The following L3MBTL4 variants were observed in gnomAD, a reference collection of about 807,000 sequenced individuals.
The protein encoded by L3MBTL4 is lethal(3)malignant brain tumor-like protein 4.
L3MBTL4 carries 70 observed loss-of-function variants against 84.5 expected under a neutral mutation model. The ratio of observed to expected loss-of-function variants is 0.83; its 90% CI spans 0.68 to 1.01. The LOEUF is 1.01. Ranked by LOEUF, L3MBTL4 falls within the 50% of genes least tolerant of loss-of-function variation. L3MBTL4 has a pLI of 0.00. For synonymous variants in L3MBTL4, 274 were observed against 259.8 expected (o/e 1.05, Z -0.52); for missense variants, 715 against 754.8 (o/e 0.95, Z 0.62).
At chr18:5,999,493 T>A (rs1347800375) in intron 16 of L3MBTL4, among the ~76,000 whole-genome samples, 2 of 152,214 alleles carry the variant, frequency 1.3e-5, no homozygotes, top group African/African-American at 2.4e-5. Context: ...CATAAAAATG[T>A]GTTGAATGGA....
At chr18:6,198,863 T>C (rs2045524524) in intron 12 of L3MBTL4, among the ~76,000 whole-genome samples, 1 of 152,210 alleles carries the variant, frequency 6.6e-6, no homozygotes, top group African/African-American at 2.4e-5. Context: ...AGGTAGCATC[T>C]ATTTATTATG....
rs140193205 is a variant in L3MBTL4, at chr18:6,358,862, C to T, written c.-90-46806G>A. 6.6e-3 allele frequency among the ~76,000 whole-genome samples: 1,009 copies of T among 152,260 alleles called. 11 individuals are homozygous for T. The highest frequency in any genetic ancestry group is 0.023 in the African/African-American group (938 of 41,532). On this transcript the variant is annotated intron_variant, in intron 1 of 18. Transcript: ENST00000317931. ...TGGCCTGAGGGCTCCACAGGAGAGC[C>T]CTGTGCAGATGGGGACCAAGTGGAG...
chr18:6,037,787 A>T (rs1311727541), intron 16 of L3MBTL4, among the ~76,000 whole-genome samples: 1 of 152,142 alleles, frequency 6.6e-6, no homozygotes, highest in Non-Finnish European at 1.5e-5. Flanking sequence ...AGAAAATTTT[A>T]CTCTGTCCTT....
At chr18:6,241,480 C>G (rs553154919) in intron 7 of L3MBTL4, 31 bp from the exon 8 acceptor site, 2 of 1,209,884 alleles carry the variant, frequency 1.7e-6, no homozygotes, top group Non-Finnish European at 2.4e-6. Flanking sequence ...TCAAAATACC[C>G]AAAAGATGTA....
chr18:6,352,773 T>G (rs2053258244), intron 1 of L3MBTL4, among the ~76,000 whole-genome samples: 1 of 151,906 alleles, frequency 6.6e-6, no homozygotes, highest in Admixed American at 6.5e-5. Context: ...GCTGAGAACC[T>G]TAAAGAAAAA....
intron 10 of L3MBTL4, among the ~76,000 whole-genome samples, chr18:6,233,525 AACAG>A (rs2047085328): frequency 6.9e-6 from 1 of 144,202 alleles, no homozygotes; most frequent in East Asian, 1.9e-4. Flanking sequence ...ATACACCAAT[AACAG>A]ACAGAGAGCC....
chr18:6,401,539 T>C lies in L3MBTL4; in HGVS notation c.-91+13262A>G, dbSNP rs560030803. On this transcript the variant is annotated intron_variant, in intron 1 of 18. Transcript: ENST00000317931. ...AGAAGACAGCTTATAGAATGCAAAG[T>C]ACAGCTTATAAGAGGTAAAGTTCAA... Among the ~76,000 whole-genome samples the C allele has an allele frequency of 1.1e-4, 17 of 152,274 alleles. No individual in the cohort carries two copies. In the South Asian group the frequency reaches 2.9e-3, roughly 26 times the overall value.
chr18:5,958,970 T>TA (rs1286996768), intron 18 of L3MBTL4, among the ~76,000 whole-genome samples: 2 of 152,182 alleles, frequency 1.3e-5, no homozygotes, highest in African/African-American at 4.8e-5. Flanking sequence ...ACTGTATGTG[T>TA]GAACGTGGCC....
chr18:6,340,143 T>C (rs1000221719), intron 1 of L3MBTL4, among the ~76,000 whole-genome samples: 1 of 152,172 alleles, frequency 6.6e-6, no homozygotes, highest in Admixed American at 6.5e-5. Flanking sequence ...TGAACATCTT[T>C]TTTAAAAATC....
chr18:6,046,727 C>T, intron 16 of L3MBTL4: 1 of 774,812 alleles, frequency 1.3e-6, no homozygotes, highest in Non-Finnish European at 2.4e-6. Flanking sequence ...ATACAACTTA[C>T]CCAAACCTCT....
intron 4 of L3MBTL4, among the ~76,000 whole-genome samples, chr18:6,265,193 A>C (rs1223840535): frequency 1.3e-5 from 2 of 152,250 alleles, no homozygotes; most frequent in Non-Finnish European, 2.9e-5. Context: ...CATTCAAATG[A>C]AATCATCTTA....
chr18:6,236,333 T>G (rs939151482), intron 10 of L3MBTL4, among the ~76,000 whole-genome samples: 2 of 152,300 alleles, frequency 1.3e-5, no homozygotes, highest in East Asian at 3.9e-4. Context: ...GAAATAATAG[T>G]CTTTTGTAAC....
intron 13 of L3MBTL4, among the ~76,000 whole-genome samples, chr18:6,163,259 TG>T (rs71163263): frequency 0.11 from 6,296 of 57,338 alleles, 275 homozygotes; most frequent in African/African-American, 0.16. Flanking sequence ...TGTGTGTGTG[TG>T]GGGGGGGGGT....
intron 14 of L3MBTL4, among the ~76,000 whole-genome samples, chr18:6,118,689 C>T (rs988604400): frequency 6.6e-6 from 1 of 152,120 alleles, no homozygotes; most frequent in African/African-American, 2.4e-5. Flanking sequence ...TAAGTTTCTA[C>T]AGTGTTTTTC....
At chr18:5,994,264 T>C (rs759035246) in intron 16 of L3MBTL4, among the ~76,000 whole-genome samples, 30 of 152,352 alleles carry the variant, frequency 2.0e-4, no homozygotes, top group African/African-American at 6.5e-4. Context: ...TCTAGCACAA[T>C]TGTGAGCTGC....
intron 12 of L3MBTL4, among the ~76,000 whole-genome samples, chr18:6,185,485 G>C (rs2044681364): frequency 6.6e-6 from 1 of 152,174 alleles, no homozygotes; most frequent in Non-Finnish European, 1.5e-5. Context: ...GCAGGCTGCA[G>C]GCTGGCAGTG....
chr18:6,029,078 G>A (rs1003965444), intron 16 of L3MBTL4, among the ~76,000 whole-genome samples: 4 of 152,100 alleles, frequency 2.6e-5, no homozygotes, highest in Non-Finnish European at 5.9e-5. Flanking sequence ...TTAAATCACC[G>A]AAACCATGAC....
intron 16 of L3MBTL4, among the ~76,000 whole-genome samples, chr18:5,974,592 C>G (rs1241479506): frequency 6.6e-6 from 1 of 152,190 alleles, no homozygotes; most frequent in Non-Finnish European, 1.5e-5. Flanking sequence ...TGACCTAGGG[C>G]TGCCTTTCCA....
intron 12 of L3MBTL4, among the ~76,000 whole-genome samples, chr18:6,181,171 G>C (rs746657010): frequency 1.3e-4 from 18 of 143,720 alleles, no homozygotes; most frequent in Non-Finnish European, 2.4e-4. Flanking sequence ...TTTTTTTTTT[G>C]CATTTTACAT....
Sources: allele counts gnomAD v4.1 joint callset (sites outside exome capture counted in the v4.1 genomes callset), GRCh38; gene constraint gnomAD v4.1.1; transcripts MANE v1.5; gene names NCBI Gene and HGNC (gene_info 2026-07-23, HGNC 2026-07-21).